SLC20A2: variants seen among roughly 807,000 people sequenced by gnomAD.
The protein encoded by SLC20A2 is sodium-dependent phosphate transporter 2.
In SLC20A2, 30 loss-of-function variants were observed where a neutral mutation model predicts 61.0. That is an observed-to-expected ratio of 0.49 (90% CI 0.37 to 0.67). The LOEUF is 0.67. SLC20A2 is among the 30% of genes least tolerant of loss of function. The pLI, the probability that SLC20A2 is intolerant of heterozygous loss-of-function variation, is 0.00. For missense variants in SLC20A2, 626 were observed against 866.4 expected (o/e 0.72, Z 3.48); for synonymous variants, 351 against 353.3 (o/e 0.99, Z 0.07).
At chr8:42,513,526 G>A (rs1811143945) in intron 1 of SLC20A2, among the ~76,000 whole-genome samples, 1 of 152,106 alleles carries the variant, frequency 6.6e-6, no homozygotes, top group South Asian at 2.1e-4. Flanking sequence ...AATACAAGAG[G>A]ATAAAACTTT....
chr8:42,450,069 C>G (rs1283339541), intron 5 of SLC20A2, among the ~76,000 whole-genome samples: 1 of 151,962 alleles, frequency 6.6e-6, no homozygotes, highest in African/African-American at 2.4e-5. Context: ...TGCTCTAGAT[C>G]AATATATTCA....
At chr8:42,505,103 C>G (rs369648501), upstream of SLC20A2, among the ~76,000 whole-genome samples, 842 of 37,172 alleles carry the variant, frequency 0.023, 8 homozygotes, top group Middle Eastern at 0.08. Context: ...GCAATACCCC[C>G]CCAACCTTTT....
intron 1 of SLC20A2, among the ~76,000 whole-genome samples, chr8:42,526,457 A>C (rs1811947424): frequency 6.6e-6 from 1 of 151,986 alleles, no homozygotes; most frequent in Admixed American, 6.6e-5. Flanking sequence ...GCGGATCACT[A>C]GGTCAGGAGA....
intron 6 of SLC20A2, among the ~76,000 whole-genome samples, chr8:42,442,250 G>A (rs1428732471): frequency 6.6e-6 from 1 of 152,108 alleles, no homozygotes; most frequent in Admixed American, 6.6e-5. Context: ...TTCTTTTATA[G>A]AACATGTTTT....
At chr8:42,505,504 G>C (rs1170877493), upstream of SLC20A2, among the ~76,000 whole-genome samples, 1 of 152,126 alleles carries the variant, frequency 6.6e-6, no homozygotes, top group Non-Finnish European at 1.5e-5. Flanking sequence ...TCAAGATTCT[G>C]CATTTTAGTT....
At chr8:42,473,780 TATACAATATA>T (rs1169526683) in intron 1 of SLC20A2, among the ~76,000 whole-genome samples, 1 of 152,132 alleles carries the variant, frequency 6.6e-6, no homozygotes, top group African/African-American at 2.4e-5. Flanking sequence ...TACCACACCA[TATACAATATA>T]ATAATTTGAC....
chr8:42,518,910 A>C (rs1158399935), intron 1 of SLC20A2, among the ~76,000 whole-genome samples: 1 of 152,218 alleles, frequency 6.6e-6, no homozygotes, highest in Non-Finnish European at 1.5e-5. Flanking sequence ...TAAAGCTGTG[A>C]CCTGAAGTTT....
chr8:42,437,231 C>T lies in SLC20A2; in HGVS notation c.1281G>A (p.Arg427=), dbSNP rs148397659. The part of the protein sequence containing the change: ...VGDTVSYSKK[R]LRYDSYSSYC... ...AGCTCGAGTAGCTGTCGTAGCGCAG[C>T]CTCTTCTTGGAGTAGGACACGGTGT... Residue 427 remains arginine (R), a synonymous_variant, in exon 8 of 11, where the codon AGG becomes AGA. Transcript: ENST00000520262. The surrounding 1 kb of genome is among the most constrained non-coding windows in gnomAD (Gnocchi z 6.4). The T allele has an allele frequency of 2.9e-5, 46 of 1,613,792 alleles. No individual in the cohort carries two copies. Among genetic ancestry groups the T allele is most frequent in the Non-Finnish European group, 3.8e-5 (45 of 1,180,044 alleles).
At chr8:42,444,559 C>G in intron 6 of SLC20A2, 87 bp downstream of exon 6, 2 of 986,948 alleles carry the variant, frequency 2.0e-6, no homozygotes, top group East Asian at 4.9e-5. Context: ...TCCATTTCCT[C>G]CATTAGTAAG....
intron 8 of SLC20A2, among the ~76,000 whole-genome samples, chr8:42,430,905 T>C (rs1195290096): frequency 6.6e-6 from 1 of 152,216 alleles, no homozygotes; most frequent in Non-Finnish European, 1.5e-5. Flanking sequence ...TATGAGACGG[T>C]GAGCTTCACT....
intron 1 of SLC20A2, chr8:42,484,717 G>A: frequency 2.6e-6 from 1 of 381,244 alleles, no homozygotes; most frequent in Non-Finnish European, 5.1e-6. Flanking sequence ...TGTGGTCTAT[G>A]GCTGGCAGCC....
chr8:42,476,993 G>T (rs12543287), intron 1 of SLC20A2, among the ~76,000 whole-genome samples: 1 of 151,698 alleles, frequency 6.6e-6, no homozygotes, highest in Non-Finnish European at 1.5e-5. Flanking sequence ...TAAACGCAAA[G>T]GCCAAAGCTC....
chr8:42,533,670 T>A (rs1053358958), intron 1 of SLC20A2, among the ~76,000 whole-genome samples: 5 of 132,182 alleles, frequency 3.8e-5, no homozygotes, highest in African/African-American at 1.4e-4. Flanking sequence ...TTTTTTTTTT[T>A]TTTTTTGAGA....
chr8:42,460,110 C>T, intron 4 of SLC20A2, 118 bp from the exon 5 acceptor site: 1 of 626,548 alleles, frequency 1.6e-6, no homozygotes, highest in South Asian at 1.8e-5. Flanking sequence ...CCCAGTGTGG[C>T]CAAAAGGATG....
intron 1 of SLC20A2, among the ~76,000 whole-genome samples, chr8:42,530,305 A>T (rs1728395966): frequency 6.6e-6 from 1 of 152,240 alleles, no homozygotes; most frequent in African/African-American, 2.4e-5. Context: ...AGCAACTTTT[A>T]AAAAAGCAAA....
intron 1 of SLC20A2, among the ~76,000 whole-genome samples, chr8:42,479,335 G>C (rs1338266457): frequency 6.6e-6 from 1 of 152,176 alleles, no homozygotes; most frequent in Non-Finnish European, 1.5e-5. Flanking sequence ...GTCACTCAGA[G>C]AAAGTATGAG....
chr8:42,429,950 T>C, intron 9 of SLC20A2, 114 bp downstream of exon 9: 1 of 841,716 alleles, frequency 1.2e-6, no homozygotes, highest in Non-Finnish European at 1.8e-6. Flanking sequence ...TCCTCCTCCC[T>C]GTGACCCGCT....
At chr8:42,527,118 A>C (rs1812016544) in intron 1 of SLC20A2, among the ~76,000 whole-genome samples, 1 of 151,712 alleles carries the variant, frequency 6.6e-6, no homozygotes, top group Non-Finnish European at 1.5e-5. Context: ...AAAAAAAAAA[A>C]AAGTGGGCCG....
chr8:42,529,265 G>A (rs1317773244), intron 1 of SLC20A2, among the ~76,000 whole-genome samples: 4 of 151,576 alleles, frequency 2.6e-5, no homozygotes, highest in Non-Finnish European at 5.9e-5. Flanking sequence ...TACCTCACCT[G>A]GCCCATTTCC....
Sources: gnomAD v4.1 joint callset for allele counts (sites outside exome capture counted in the v4.1 genomes callset) on GRCh38, gnomAD v4.1.1 for gene constraint, Gnocchi (gnomAD v3.1) non-coding constraint, MANE v1.5 for transcripts, NCBI Gene and HGNC (gene_info 2026-07-23, HGNC 2026-07-21) for gene names.